Variants in PLIN3 observed in about 807,000 individuals in gnomAD.
The protein encoded by PLIN3 is perilipin 3.
A neutral mutation model predicts 35.9 loss-of-function variants in PLIN3; 30 were observed. The observed-to-expected ratio is 0.84, with a 90% CI of 0.62 to 1.13. PLIN3 has a LOEUF of 1.13. Ranked by LOEUF, PLIN3 falls within the 50% of genes most tolerant of loss-of-function variation. PLIN3 has a pLI of 0.00. For synonymous variants in PLIN3, 261 were observed against 262.5 expected (o/e 0.99, Z 0.06); for missense variants, 603 against 596.9 (o/e 1.01, Z -0.11).
rs2030032263 is a variant in PLIN3 at position 4,844,810 on chromosome 19, A to G, written c.835-17T>C. 1 of 1,582,506 alleles carries G rather than the reference A, an allele frequency of 6.3e-7. No individual in the cohort carries two copies. Among genetic ancestry groups the G allele is most frequent in the Middle Eastern group, 1.7e-4 (1 of 5,976 alleles). On this transcript the variant is annotated splice_polypyrimidine_tract_variant and intron_variant, in intron 6 of 7. Coordinates refer to ENST00000221957, the MANE Select transcript of PLIN3 (RefSeq NM_005817.5). The stretch of plus-strand genomic sequence containing the variant: ...AGTTTCCATCTGGGGCAGGGGAGAG[A>G]GAAGTGAGGGAAGGAGGCTCCCCTG...
intron 4 of PLIN3, among the ~76,000 whole-genome samples, chr19:4,853,122 T>G (rs1282297994): frequency 1.7e-3 from 5 of 2,934 alleles, no homozygotes; most frequent in East Asian, 0.019. Flanking sequence ...TGTTTTTTGT[T>G]TTTTTTTTTC....
At chr19:4,842,320 T>C (rs1192740476) in intron 7 of PLIN3, among the ~76,000 whole-genome samples, 1 of 151,814 alleles carries the variant, frequency 6.6e-6, no homozygotes, top group Non-Finnish European at 1.5e-5. Flanking sequence ...TCCCAGCTAC[T>C]TGGGAGACTG....
rs2093623451 is a variant in PLIN3, at chr19:4,838,569, C to T, written c.*623G>A. 6.8e-6 allele frequency: 1 copy of T among 147,924 alleles called. No individual in the cohort carries two copies. The highest frequency in any genetic ancestry group is 2.1e-4 in the East Asian group (1 of 4,720). 9.2% of individuals were successfully genotyped at this position (147,924 alleles called of 1,614,324 possible). A position where few individuals can be genotyped will look rare whatever the true frequency, so the allele number is the denominator to read the frequency against. ...AAGAAGTGGGATATGAACTATATCC[C>T]TGATTTTTTTTTCTTTTTTTTTTTT... On this transcript the variant is annotated 3_prime_UTR_variant, in exon 8 of 8. Transcript: ENST00000221957.
At chr19:4,852,722 CCT>C (rs1451965733) in intron 4 of PLIN3, among the ~76,000 whole-genome samples, 4 of 151,914 alleles carry the variant, frequency 2.6e-5, no homozygotes, top group South Asian at 4.1e-4. Context: ...ATCACTGCAA[CCT>C]CTGTCTCCCG....
At chr19:4,840,682 T>C (rs2029878760) in intron 7 of PLIN3, among the ~76,000 whole-genome samples, 1 of 152,196 alleles carries the variant, frequency 6.6e-6, no homozygotes, top group African/African-American at 2.4e-5. Flanking sequence ...CCTGGCATGG[T>C]GGCTCATGCC....
chr19:4,859,897 T>C lies in PLIN3; in HGVS notation c.194A>G (p.Lys65Arg). The change falls in exon 3 of 8, where the codon AAG becomes AGG. Residue 65 changes from lysine (K) to arginine (R), a missense_variant. Lys to Arg is a conservative substitution (Grantham distance 26). Coordinates refer to ENST00000221957, the MANE Select transcript of PLIN3 (RefSeq NM_005817.5). ...AGCCGCCGTGAGGGTCCTCACTCCC[T>C]TCTCTGCTGCGTCGCAGACAGTCTT... ...HIKTVCDAAE[K>R]GVRTLTAAAV... 2 of 1,613,910 alleles carry C rather than the reference T, an allele frequency of 1.2e-6. No homozygotes were observed. The highest frequency in any genetic ancestry group is 1.7e-6 in the Non-Finnish European group (2 of 1,180,022).
chr19:4,844,921 GGA>G, intron 6 of PLIN3, 128 bp from the exon 7 acceptor site: 1 of 1,112,044 alleles, frequency 9.0e-7, no homozygotes, highest in African/African-American at 1.6e-5. Flanking sequence ...AGGGAGGGAG[GGA>G]GGAAGGGTTT....
In PLIN3 at chr19:4,859,894, C is replaced by G. The variant is rs772404378; in HGVS notation, c.197G>C (p.Gly66Ala). The change falls in exon 3 of 8, where the codon GGA (glycine) becomes GCA (alanine). Residue 66 changes from glycine to alanine, a missense_variant. Physicochemically the swap from Gly to Ala is moderately conservative, Grantham distance 60 (BLOSUM62 0). Transcript: ENST00000221957. ...AGCAGCCGCCGTGAGGGTCCTCACT[C>G]CCTTCTCTGCTGCGTCGCAGACAGT... ...IKTVCDAAEKGVRTLTAAAVS... is the reference protein window; with the variant it reads ...IKTVCDAAEKAVRTLTAAAVS... 6.2e-7 allele frequency: 1 copy of G among 1,613,874 alleles called. No individual in the cohort carries two copies. Among genetic ancestry groups the G allele is most frequent in the South Asian group, 1.1e-5 (1 of 91,062 alleles).
chr19:4,847,976 G>T (rs1174587823), intron 5 of PLIN3, 86 bp from the exon 6 acceptor site: 60 of 927,546 alleles, frequency 6.5e-5, no homozygotes, highest in Non-Finnish European at 1.7e-6. Flanking sequence ...GAATCACACT[G>T]TCCAGTTTAT....
rs1426879594 is a variant in PLIN3, at chr19:4,852,152, C to CTT, written c.496_497dup (p.Val168ProfsTer2). On this transcript the variant is annotated frameshift_variant, in exon 5 of 8. Transcript: ENST00000221957. LOFTEE classifies it high-confidence loss of function. The stretch of plus-strand genomic sequence containing the variant: ...ATTGGACGCCGCCGGTCACTACGGA[C>CTT]TTTGTCTTGTCCACGCCGCTCTGCA... 2 of 1,614,080 alleles carry CTT rather than the reference C, an allele frequency of 1.2e-6. No homozygotes were observed. Among genetic ancestry groups the CTT allele is most frequent in the Non-Finnish European group, 1.7e-6 (2 of 1,180,010 alleles).
chr19:4,849,701 G>A (rs191167831), intron 5 of PLIN3, among the ~76,000 whole-genome samples: 1 of 152,192 alleles, frequency 6.6e-6, no homozygotes, highest in Non-Finnish European at 1.5e-5. Context: ...TGCCCAGGCT[G>A]GAGTGCAATG....
chr19:4,851,896 G>A (rs137880601), intron 5 of PLIN3, 120 bp downstream of exon 5: 21 of 1,052,056 alleles, frequency 2.0e-5, no homozygotes, highest in East Asian at 7.8e-5. Context: ...CAAGATGCCC[G>A]GGAGAAGTGG....
intron 1 of PLIN3, among the ~76,000 whole-genome samples, chr19:4,863,421 C>T (rs8103348): frequency 0.098 from 14,481 of 148,274 alleles, 959 homozygotes; most frequent in East Asian, 0.3. Context: ...TACTTGAACC[C>T]GGGAAGCGGA....
chr19:4,843,236 G>A (rs971032055), intron 7 of PLIN3, among the ~76,000 whole-genome samples: 9 of 151,294 alleles, frequency 5.9e-5, no homozygotes, highest in East Asian at 3.9e-4. Flanking sequence ...GCAGGGTGCG[G>A]TGGCTCACGC....
At chr19:4,860,713 G>GTT (rs1216938979) in intron 2 of PLIN3, among the ~76,000 whole-genome samples, 1 of 151,958 alleles carries the variant, frequency 6.6e-6, no homozygotes, top group East Asian at 1.9e-4. Flanking sequence ...GCTCACGCCT[G>GTT]TAATCCGAGC....
chr19:4,856,082 C>G (rs2030465461), intron 4 of PLIN3, among the ~76,000 whole-genome samples: 1 of 152,090 alleles, frequency 6.6e-6, no homozygotes, highest in Non-Finnish European at 1.5e-5. Flanking sequence ...AATAAGCTGC[C>G]TGTCCCTGCA....
In PLIN3 at chr19:4,845,333, C is replaced by G. The variant is rs554849287; in HGVS notation, c.835-540G>C. On this transcript the variant is annotated intron_variant, in intron 6 of 7. Transcript: ENST00000221957. The stretch of plus-strand genomic sequence containing the variant: ...CCCAGCTACTCAGGAGGCTGAGGCA[C>G]GAGAATCGCTTGAACCTGGGAGGCG... Among the ~76,000 whole-genome samples, 14 of 151,730 alleles carry G rather than the reference C, an allele frequency of 9.2e-5. No homozygotes were observed. In the East Asian group the frequency reaches 2.0e-3, roughly 21 times the overall value.
intron 1 of PLIN3, among the ~76,000 whole-genome samples, chr19:4,866,276 C>A (rs2030855497): frequency 6.6e-6 from 1 of 152,152 alleles, no homozygotes; most frequent in African/African-American, 2.4e-5. Context: ...CCTCAGCCTC[C>A]CAAAGTGCTG....
intron 7 of PLIN3, among the ~76,000 whole-genome samples, chr19:4,842,500 T>C (rs1038088771): frequency 6.8e-6 from 1 of 147,032 alleles, no homozygotes; most frequent in East Asian, 2.0e-4. Context: ...CTCGGGAGGC[T>C]GAGGCAGGAG....
Sources: allele counts gnomAD v4.1 joint callset (sites outside exome capture counted in the v4.1 genomes callset), GRCh38; gene constraint gnomAD v4.1.1; transcripts MANE v1.5; gene names NCBI Gene and HGNC (gene_info 2026-07-23, HGNC 2026-07-21).